SPATS2: variants seen among roughly 807,000 people sequenced by gnomAD.
The protein encoded by SPATS2 is spermatogenesis associated serine rich 2.
A neutral mutation model predicts 63.7 loss-of-function variants in SPATS2; 38 were observed. That is an observed-to-expected ratio of 0.60 (90% confidence interval 0.46 to 0.78). The LOEUF (loss-of-function observed/expected upper bound fraction) is 0.78, where lower values mean the gene tolerates loss of function less well. Ranked by LOEUF, SPATS2 falls within the 30% of genes least tolerant of loss-of-function variation. The pLI is 0.00. For missense variants in SPATS2, 588 were observed against 666.2 expected (o/e 0.88, Z 1.29); for synonymous variants, 207 against 232.9 (o/e 0.89, Z 1.01).
At chr12:49,448,663 C>G (rs1281933905) in intron 2 of SPATS2, among the ~76,000 whole-genome samples, 1 of 139,848 alleles carries the variant, frequency 7.2e-6, no homozygotes, top group Non-Finnish European at 1.5e-5. Context: ...ATCAGTGAAA[C>G]ATGATTGTGC....
intron 9 of SPATS2, among the ~76,000 whole-genome samples, chr12:49,504,064 A>AATTG (rs1445587988): frequency 6.6e-6 from 1 of 152,188 alleles, no homozygotes; most frequent in Non-Finnish European, 1.5e-5. Context: ...TTCAAGACAT[A>AATTG]ATTGGCAAGT....
At chr12:49,466,517 A>G (rs1945918998) in intron 3 of SPATS2, among the ~76,000 whole-genome samples, 1 of 152,100 alleles carries the variant, frequency 6.6e-6, no homozygotes, top group Non-Finnish European at 1.5e-5. Flanking sequence ...TTTTTTGCAT[A>G]TGGATATCCA....
chr12:49,381,834 C>A (rs75609879), intron 2 of SPATS2, among the ~76,000 whole-genome samples: 14,027 of 152,220 alleles, frequency 0.092, 756 homozygotes, highest in African/African-American at 0.14. Flanking sequence ...ATTTTATCCT[C>A]CAGTTGGGAC....
intron 2 of SPATS2, among the ~76,000 whole-genome samples, chr12:49,447,489 G>A (rs1269235509): frequency 6.6e-6 from 1 of 152,080 alleles, no homozygotes; most frequent in African/African-American, 2.4e-5. Context: ...CCCCCACCTC[G>A]GCCTCCCAAA....
At chr12:49,464,111 T>G (rs1158804065) in intron 3 of SPATS2, among the ~76,000 whole-genome samples, 10 of 152,210 alleles carry the variant, frequency 6.6e-5, no homozygotes, top group Admixed American at 3.9e-4. Flanking sequence ...ACAGTTTTAT[T>G]GAGGTATAAT....
At chr12:49,401,800 C>T (rs1244772208) in intron 2 of SPATS2, among the ~76,000 whole-genome samples, 3 of 151,694 alleles carry the variant, frequency 2.0e-5, no homozygotes, top group East Asian at 1.9e-4. Context: ...CAGACTCAAG[C>T]GATTCTTCTG....
intron 9 of SPATS2, among the ~76,000 whole-genome samples, chr12:49,504,790 T>C (rs1400539996): frequency 6.7e-6 from 1 of 148,576 alleles, no homozygotes; most frequent in East Asian, 1.9e-4. Context: ...TTTTTTTTTT[T>C]AAGACAGGGT....
intron 2 of SPATS2, among the ~76,000 whole-genome samples, chr12:49,456,905 A>T (rs560020750): frequency 6.6e-6 from 1 of 152,080 alleles, no homozygotes; most frequent in East Asian, 1.9e-4. Context: ...GTTATCTTCT[A>T]TTATAATTGT....
chr12:49,489,533 T>C lies in SPATS2; in HGVS notation c.174T>C (p.Phe58=). The part of the protein sequence containing the change: ...NNEIILVLQH[F]DNCVDKTVQA... Reference sequence around the variant, plus strand: ...AAATTATCCTGGTTTTGCAGCACTTTGATAACTGTGTGGACAAAACAGTAC... The same window carrying C: ...AAATTATCCTGGTTTTGCAGCACTTCGATAACTGTGTGGACAAAACAGTAC... Residue 58 remains phenylalanine, a synonymous_variant, in exon 5 of 14, where the codon TTT becomes TTC. Coordinates refer to ENST00000552918, the MANE Select transcript of SPATS2 (RefSeq NM_023071.4). The C allele has an allele frequency of 6.2e-7, 1 of 1,613,936 alleles. No homozygotes were observed. The highest frequency in any genetic ancestry group is 1.7e-5 in the Admixed American group (1 of 60,024).
At chr12:49,523,464 A>G (rs1052279645) in intron 12 of SPATS2, among the ~76,000 whole-genome samples, 1 of 151,810 alleles carries the variant, frequency 6.6e-6, no homozygotes, top group Non-Finnish European at 1.5e-5. Context: ...CTGCACTCCA[A>G]CCTGGGCACC....
At chr12:49,515,549 A>G (rs770919777) in intron 10 of SPATS2, among the ~76,000 whole-genome samples, 1 of 152,228 alleles carries the variant, frequency 6.6e-6, no homozygotes, top group Non-Finnish European at 1.5e-5. Context: ...TTGAGAATGT[A>G]GCAGAGATGC....
intron 2 of SPATS2, among the ~76,000 whole-genome samples, chr12:49,419,243 C>A (rs1222173614): frequency 6.6e-6 from 1 of 152,184 alleles, no homozygotes; most frequent in Non-Finnish European, 1.5e-5. Context: ...TTAAGACTTA[C>A]AATATAGTAG....
chr12:49,367,147 ATCT>A (rs1943910217), upstream of SPATS2: 1 of 157,732 alleles, frequency 6.3e-6, no homozygotes, highest in Non-Finnish European at 1.4e-5. Context: ...CCTCTCCCCG[ATCT>A]TCTCGGTCTC....
chr12:49,465,366 C>CT (rs61653533), intron 3 of SPATS2, among the ~76,000 whole-genome samples: 36,259 of 149,350 alleles, frequency 0.24, 4,989 homozygotes, highest in African/African-American at 0.38. Flanking sequence ...TATGGTCAGT[C>CT]TTTTTTTTTT....
At chr12:49,447,193 G>A (rs1174823457) in intron 2 of SPATS2, among the ~76,000 whole-genome samples, 2 of 152,134 alleles carry the variant, frequency 1.3e-5, no homozygotes, top group African/African-American at 4.8e-5. Flanking sequence ...GCCTCCCAGA[G>A]TGCTGGGATT....
intron 2 of SPATS2, chr12:49,389,712 G>GTTA: frequency 6.5e-7 from 1 of 1,550,364 alleles, no homozygotes; most frequent in East Asian, 2.2e-5. Context: ...GTCCACGTTA[G>GTTA]TTATGGGAAT....
chr12:49,515,437 A>T (rs1398603338), intron 10 of SPATS2, among the ~76,000 whole-genome samples: 1 of 152,236 alleles, frequency 6.6e-6, no homozygotes, highest in Non-Finnish European at 1.5e-5. Context: ...GGTCGAGATC[A>T]TGACTCACAG....
intron 2 of SPATS2, among the ~76,000 whole-genome samples, chr12:49,443,321 T>C (rs1168167262): frequency 6.6e-6 from 1 of 152,226 alleles, no homozygotes; most frequent in South Asian, 2.1e-4. Flanking sequence ...CCCAGCACCA[T>C]TTGTTGAAAA....
intron 2 of SPATS2, among the ~76,000 whole-genome samples, chr12:49,393,455 A>T (rs888058774): frequency 6.6e-6 from 1 of 152,154 alleles, no homozygotes; most frequent in African/African-American, 2.4e-5. Context: ...TATAAAGAAG[A>T]CTTTTTCCTT....
Sources: allele counts gnomAD v4.1 joint callset (sites outside exome capture counted in the v4.1 genomes callset), GRCh38; gene constraint gnomAD v4.1.1; transcripts MANE v1.5; gene names NCBI Gene and HGNC (gene_info 2026-07-23, HGNC 2026-07-21).